AMPH: variants seen among roughly 807,000 people sequenced by gnomAD.
The protein encoded by AMPH is amphiphysin, also known as amphiphysin (Stiff-Mann syndrome with breast cancer 128kD autoantigen).
In AMPH, 49 loss-of-function variants were observed where a neutral mutation model predicts 99.1. That is an observed-to-expected ratio of 0.49 (90% CI 0.39 to 0.63). AMPH has a LOEUF of 0.63. AMPH is among the 20% of genes least tolerant of loss of function. AMPH has a pLI of 0.00. For synonymous variants in AMPH, 314 were observed against 317.3 expected (o/e 0.99, Z 0.11); for missense variants, 759 against 863.4 (o/e 0.88, Z 1.52).
intron 2 of AMPH, among the ~76,000 whole-genome samples, chr7:38,521,759 C>T (rs1175296174): frequency 6.6e-6 from 1 of 152,164 alleles, no homozygotes; most frequent in Non-Finnish European, 1.5e-5. Context: ...TCCCCTCAGT[C>T]AGGAGTCTCT....
At chr7:38,610,340 AAAGAAAAGAAAAG>A (rs1793619236) in intron 1 of AMPH, among the ~76,000 whole-genome samples, 2 of 50,272 alleles carry the variant, frequency 4.0e-5, no homozygotes, top group South Asian at 4.2e-4. Flanking sequence ...AGAAAAAAGA[AAAGAAAAGAAAAG>A]AAAAGAAAAG....
At chr7:38,436,082 T>C (rs1303511079) in intron 12 of AMPH, among the ~76,000 whole-genome samples, 190 bp downstream of exon 12, 1 of 152,188 alleles carries the variant, frequency 6.6e-6, no homozygotes, top group Non-Finnish European at 1.5e-5. Flanking sequence ...AGAAAGCTGA[T>C]GGCATGGGAG....
At chr7:38,623,834 A>G (rs1794150525) in intron 1 of AMPH, among the ~76,000 whole-genome samples, 1 of 152,196 alleles carries the variant, frequency 6.6e-6, no homozygotes. Flanking sequence ...ATGTCACACA[A>G]CCAGACAGAT....
chr7:38,506,067 C>G (rs1584181262), intron 2 of AMPH, among the ~76,000 whole-genome samples: 2 of 152,176 alleles, frequency 1.3e-5, no homozygotes, highest in South Asian at 2.1e-4. Flanking sequence ...CCATTTCTTT[C>G]CTCTCCCCAT....
At chr7:38,628,019 CAGTAG>C (rs1490601218) in intron 1 of AMPH, among the ~76,000 whole-genome samples, 1 of 152,108 alleles carries the variant, frequency 6.6e-6, no homozygotes, top group East Asian at 1.9e-4. Flanking sequence ...AACATTTTCT[CAGTAG>C]AAATCACCAA....
At chr7:38,604,570 C>T (rs1385850956) in intron 1 of AMPH, among the ~76,000 whole-genome samples, 3 of 152,172 alleles carry the variant, frequency 2.0e-5, no homozygotes, top group African/African-American at 7.2e-5. Flanking sequence ...ATGTGTTGCT[C>T]ACATGAGTAG....
At chr7:38,517,927 G>A (rs1197037231) in intron 2 of AMPH, among the ~76,000 whole-genome samples, 2 of 152,194 alleles carry the variant, frequency 1.3e-5, no homozygotes, top group Non-Finnish European at 2.9e-5. Context: ...TTTCTAGGCT[G>A]CCCCTCTCAT....
At chr7:38,429,522 T>A (rs1404182234) in intron 14 of AMPH, 1 of 1,383,180 alleles carries the variant, frequency 7.2e-7, no homozygotes, top group South Asian at 1.2e-5. Context: ...CAACCCACTG[T>A]CTGGAGTTTC....
intron 1 of AMPH, among the ~76,000 whole-genome samples, chr7:38,568,602 T>C (rs1276720514): frequency 6.6e-6 from 1 of 152,248 alleles, no homozygotes; most frequent in Non-Finnish European, 1.5e-5. Flanking sequence ...TTACGGTTAC[T>C]ATGACTATAC....
intron 17 of AMPH, among the ~76,000 whole-genome samples, chr7:38,405,722 A>G (rs983919893): frequency 1.1e-4 from 16 of 152,224 alleles, no homozygotes; most frequent in Non-Finnish European, 1.5e-5. Flanking sequence ...GATTTATAAA[A>G]TAAATGCTAC....
intron 7 of AMPH, among the ~76,000 whole-genome samples, chr7:38,474,699 T>A (rs1279528604): frequency 6.6e-6 from 1 of 152,186 alleles, no homozygotes; most frequent in Non-Finnish European, 1.5e-5. Context: ...TTAAGGATCA[T>A]AAGGTCCTAT....
intron 1 of AMPH, among the ~76,000 whole-genome samples, chr7:38,618,979 A>G (rs1793964337): frequency 6.6e-6 from 1 of 152,236 alleles, no homozygotes. Flanking sequence ...TGTCTATGAG[A>G]GACAACATTT....
chr7:38,524,578 TAATG>T (rs1462909554), intron 2 of AMPH, among the ~76,000 whole-genome samples: 1 of 151,444 alleles, frequency 6.6e-6, no homozygotes, highest in Non-Finnish European at 1.5e-5. Flanking sequence ...TTTTGGATAC[TAATG>T]GATGGATGGA....
chr7:38,599,016 A>C (rs1237859331), intron 1 of AMPH, among the ~76,000 whole-genome samples: 1 of 152,160 alleles, frequency 6.6e-6, no homozygotes, highest in African/African-American at 2.4e-5. Context: ...TAACGTGCTC[A>C]ATGTCATTAA....
chr7:38,535,084 G>A, intron 1 of AMPH, 73 bp from the exon 2 acceptor site: 1 of 1,335,182 alleles, frequency 7.5e-7, no homozygotes, highest in Non-Finnish European at 1.1e-6. Context: ...TTCTGTTAAT[G>A]GAGCAAGGCT....
intron 1 of AMPH, among the ~76,000 whole-genome samples, chr7:38,601,410 A>G (rs1042473530): frequency 2.6e-5 from 4 of 152,234 alleles, no homozygotes; most frequent in African/African-American, 9.6e-5. Context: ...TTTCACACTT[A>G]AATTATTTTT....
intron 3 of AMPH, among the ~76,000 whole-genome samples, chr7:38,498,901 T>C (rs1789028684): frequency 6.6e-6 from 1 of 152,202 alleles, no homozygotes; most frequent in Non-Finnish European, 1.5e-5. Context: ...TGCATCTCAC[T>C]GCTCTGTTTG....
rs568721467 is a variant in AMPH, at chr7:38,469,011, G to A, written c.591-2763C>T. Among the ~76,000 whole-genome samples, 49 of 117,694 alleles carry A rather than the reference G, an allele frequency of 4.2e-4. 17 individuals carry two copies. The East Asian group carries it at 0.013, about 31-fold the overall frequency. 77.2% of individuals were successfully genotyped at this position (117,694 alleles called of 152,430 possible). A position where few individuals can be genotyped will look rare whatever the true frequency, so the allele number is the denominator to read the frequency against. On this transcript the variant is annotated intron_variant, in intron 7 of 20. Transcript: ENST00000356264. ...CTACTAAAAATACAAAAAATTAGCC[G>A]GGCGTAGTGGCGGGCGCCTGTAGTC...
chr7:38,442,163 T>C (rs1009136192), intron 11 of AMPH, among the ~76,000 whole-genome samples: 2 of 152,016 alleles, frequency 1.3e-5, no homozygotes, highest in Non-Finnish European at 2.9e-5. Flanking sequence ...GGCTTAATAC[T>C]TGGGTGAGGA....
Sources: gnomAD v4.1 joint callset for allele counts (sites outside exome capture counted in the v4.1 genomes callset) on GRCh38, gnomAD v4.1.1 for gene constraint, MANE v1.5 for transcripts, NCBI Gene and HGNC (gene_info 2026-07-23, HGNC 2026-07-21) for gene names.